NOSTRIN: variants seen among roughly 807,000 people sequenced by gnomAD.
NOSTRIN encodes the protein nitric oxide synthase trafficking.
In NOSTRIN, 63 loss-of-function variants were observed where a neutral mutation model predicts 59.0. The observed-to-expected ratio is 1.07, with a 90% CI of 0.87 to 1.32. The LOEUF is 1.32. Ranked by LOEUF, NOSTRIN falls within the 40% of genes most tolerant of loss-of-function variation. The pLI, the probability that NOSTRIN is intolerant of heterozygous loss-of-function variation, is 0.00. For synonymous variants in NOSTRIN, 200 were observed against 165.4 expected, an observed-to-expected ratio of 1.21 and a Z score of -1.61; for missense variants, 512 against 473.1, an observed-to-expected ratio of 1.08 and a Z score of -0.76.
In NOSTRIN at chr2:168,834,507, G is replaced by GCGCGCGCGCGCGCACACA. The variant is rs756381301; in HGVS notation, c.504+183_504+184insGCGCGCGCGCGCACACAC. ...TACTGGCGTGCGCGCGCGCGCGCGC[G>GCGCGCGCGCGCGCACACA]CACACACACACACACACACACACAC... is the stretch of plus-strand genomic sequence containing the variant. On this transcript the variant is annotated intron_variant, in intron 7 of 15. Coordinates refer to ENST00000317647, the MANE Select transcript of NOSTRIN (RefSeq NM_001039724.4). Among the ~76,000 whole-genome samples the GCGCGCGCGCGCGCACACA allele has an allele frequency of 4.0e-5, 5 of 125,342 alleles. No individual in the cohort carries two copies. In the East Asian group the frequency reaches 7.1e-4, roughly 18 times the overall value. 82.2% of individuals were successfully genotyped at this position (125,342 alleles called of 152,430 possible). A position where few individuals can be genotyped will look rare whatever the true frequency, so the allele number is the denominator to read the frequency against.
rs1689777821 is a variant in NOSTRIN, at chr2:168,865,049, A to G, written c.*79A>G. On this transcript the variant is annotated 3_prime_UTR_variant, in exon 16 of 16. Transcript: ENST00000317647. ...GTTCAAATAAGAATAAAGTGCTCTTACCTTTACATGTTTTTCTTTTGAAAT... is the reference window on the plus strand; with the variant it reads ...GTTCAAATAAGAATAAAGTGCTCTTGCCTTTACATGTTTTTCTTTTGAAAT... 7 of 1,481,086 alleles carry G rather than the reference A, an allele frequency of 4.7e-6. No homozygotes were observed. In the African/African-American group the frequency reaches 5.6e-5, roughly 12 times the overall value. The allele number at this position is 1,481,086 out of a possible 1,614,324, so 91.7% of individuals were successfully genotyped here. A position where few individuals can be genotyped will look rare whatever the true frequency, so the allele number is the denominator to read the frequency against.
upstream of NOSTRIN, among the ~76,000 whole-genome samples, chr2:168,796,296 G>T (rs534698788): frequency 2.0e-5 from 3 of 152,164 alleles, no homozygotes; most frequent in Admixed American, 2.0e-4. Flanking sequence ...GTGTCAAGAC[G>T]TGTCACCCAT....
intron 7 of NOSTRIN, among the ~76,000 whole-genome samples, chr2:168,835,078 A>AT (rs1201636630): frequency 2.6e-4 from 38 of 148,194 alleles, no homozygotes; most frequent in East Asian, 1.2e-3. Context: ...CTTCTTGATA[A>AT]TTTTTTTTTT....
At chr2:168,788,749 C>T (rs990344600) in intron 2 of NOSTRIN, among the ~76,000 whole-genome samples, 4 of 151,892 alleles carry the variant, frequency 2.6e-5, no homozygotes, top group Admixed American at 6.6e-5. Context: ...AAGAGAAAAC[C>T]GAATGAACTT....
intron 2 of NOSTRIN, among the ~76,000 whole-genome samples, chr2:168,821,618 A>G (rs1686745768): frequency 6.6e-6 from 1 of 152,260 alleles, no homozygotes; most frequent in Non-Finnish European, 1.5e-5. Context: ...TAAGACATAA[A>G]TAAAACTGTA....
At chr2:168,822,575 T>C (rs1479249426) in intron 2 of NOSTRIN, among the ~76,000 whole-genome samples, 1 of 152,210 alleles carries the variant, frequency 6.6e-6, no homozygotes, top group East Asian at 1.9e-4. Flanking sequence ...AAAAATGCAA[T>C]GAAAACTCTT....
intron 8 of NOSTRIN, among the ~76,000 whole-genome samples, chr2:168,844,762 C>A (rs950448704): frequency 2.1e-4 from 32 of 151,688 alleles, no homozygotes; most frequent in African/African-American, 7.3e-4. Flanking sequence ...CCCAGCTACT[C>A]GGGAGGCTGA....
rs772969460 is a variant in NOSTRIN, at chr2:168,843,066, G to A, written c.579G>A (p.Ala193=). Residue 193 remains alanine (A), a synonymous_variant, in exon 8 of 16, where the codon GCG becomes GCA. Coordinates refer to ENST00000317647, the MANE Select transcript of NOSTRIN (RefSeq NM_001039724.4). ...AAAATTACTACCAAAAAAACATGGC[G>A]GGTTATTCTACCAGACTGAAATGGG... ...EDENYYQKNM[A]GYSTRLKWEN... 1.5e-5 allele frequency: 13 copies of A among 872,228 alleles called. No homozygotes were observed. Among genetic ancestry groups the A allele is most frequent in the South Asian group, 7.8e-5 (6 of 76,436 alleles). The allele number at this position is 872,228 out of a possible 1,614,324, so 54.0% of individuals were successfully genotyped here. A position where few individuals can be genotyped will look rare whatever the true frequency, so the allele number is the denominator to read the frequency against.
intron 2 of NOSTRIN, among the ~76,000 whole-genome samples, chr2:168,815,910 TGCCTGGGAC>T (rs1257712853): frequency 3.9e-5 from 6 of 152,198 alleles, no homozygotes; most frequent in Non-Finnish European, 7.3e-5. Context: ...TCAAGCTCAA[TGCCTGGGAC>T]CATCTGTATC....
At chr2:168,793,740 A>G (rs1460740177), upstream of NOSTRIN, among the ~76,000 whole-genome samples, 1 of 152,202 alleles carries the variant, frequency 6.6e-6, no homozygotes, top group Non-Finnish European at 1.5e-5. Flanking sequence ...GAGTCATCCC[A>G]TTATCTGGCC....
At chr2:168,803,015 A>C (rs1318499681) in intron 1 of NOSTRIN, among the ~76,000 whole-genome samples, 1 of 152,170 alleles carries the variant, frequency 6.6e-6, no homozygotes, top group East Asian at 1.9e-4. Flanking sequence ...TGTGGATACA[A>C]AAACACACAG....
intron 1 of NOSTRIN, 146 bp downstream of exon 1, chr2:168,802,819 T>A: frequency 2.8e-6 from 2 of 710,340 alleles, no homozygotes; most frequent in African/African-American, 3.5e-5. Context: ...AGTTTGTGGT[T>A]TTTCTTTGGT....
At chr2:168,852,716 C>T (rs1212247085) in intron 10 of NOSTRIN, among the ~76,000 whole-genome samples, 1 of 152,164 alleles carries the variant, frequency 6.6e-6, no homozygotes, top group Non-Finnish European at 1.5e-5. Flanking sequence ...TTAGATCAGG[C>T]ACTGCAGTAA....
intron 6 of NOSTRIN, among the ~76,000 whole-genome samples, chr2:168,832,595 C>G (rs1477727054): frequency 6.6e-6 from 1 of 152,068 alleles, no homozygotes; most frequent in Non-Finnish European, 1.5e-5. Flanking sequence ...AGGACTGACT[C>G]CATAAGACCA....
chr2:168,830,021 A>C (rs1342941050), intron 5 of NOSTRIN, among the ~76,000 whole-genome samples: 2 of 152,246 alleles, frequency 1.3e-5, no homozygotes, highest in African/African-American at 2.4e-5. Context: ...GGTATATTTT[A>C]CCAGAATGGA....
Position 168,861,947 on chromosome 2 carries a change from T to TTATC in NOSTRIN, c.1295-9_1295-6dup, listed in dbSNP as rs1689479988. The stretch of plus-strand genomic sequence containing the variant: ...CTAACACAGCATACTAATTACAGCT[T>TTATC]TATCTATTTCAGCCCCTGGTGCAGC... On this transcript the variant is annotated splice_polypyrimidine_tract_variant and intron_variant, in intron 14 of 15. Transcript: ENST00000317647. 1 of 1,613,270 alleles carries TTATC rather than the reference T, an allele frequency of 6.2e-7. No homozygotes were observed. The highest frequency in any genetic ancestry group is 2.2e-5 in the East Asian group (1 of 44,882).
intron 5 of NOSTRIN, 21 bp downstream of exon 5, chr2:168,828,522 A>G: frequency 1.2e-6 from 1 of 834,570 alleles, no homozygotes. Context: ...ACCTTTCTTT[A>G]CTCTTCCTGT....
intron 13 of NOSTRIN, 125 bp from the exon 14 acceptor site, chr2:168,860,669 TA>T (rs71003061): frequency 0.039 from 21,130 of 536,468 alleles, no homozygotes; most frequent in Middle Eastern, 0.05. Context: ...AGACTCTGTC[TA>T]AAAAAAAAAA....
intron 2 of NOSTRIN, among the ~76,000 whole-genome samples, chr2:168,814,951 A>T (rs1008041874): frequency 6.6e-6 from 1 of 152,210 alleles, no homozygotes; most frequent in African/African-American, 2.4e-5. Context: ...AAGGGTTTTT[A>T]AAAATTATTA....
Sources: allele counts gnomAD v4.1 joint callset (sites outside exome capture counted in the v4.1 genomes callset), GRCh38; gene constraint gnomAD v4.1.1; transcripts MANE v1.5; gene names NCBI Gene and HGNC (gene_info 2026-07-23, HGNC 2026-07-21).